GNE: variants seen among roughly 807,000 people sequenced by gnomAD.
GNE encodes bifunctional UDP-N-acetylglucosamine 2-epimerase/N-acetylmannosamine kinase.
GNE carries 41 observed loss-of-function variants against 61.8 expected under a neutral mutation model. That is an observed-to-expected ratio of 0.66 (90% confidence interval 0.52 to 0.86). The LOEUF (loss-of-function observed/expected upper bound fraction) is 0.86. Among genes scored for constraint, GNE ranks in the 40% least tolerant of loss-of-function variants. The pLI, the probability that GNE is intolerant of heterozygous loss-of-function variation, is 0.00. For missense variants in GNE, 608 were observed against 909.1 expected, an observed-to-expected ratio of 0.67 and a Z score of 4.26; for synonymous variants, 264 against 326.4, an observed-to-expected ratio of 0.81 and a Z score of 2.06.
At chr9:36,237,062 G>A in intron 3 of GNE, 78 bp from the exon 4 acceptor site, 1 of 1,155,592 alleles carries the variant, frequency 8.7e-7, no homozygotes, top group Non-Finnish European at 1.3e-6. Flanking sequence ...CTGAAAGCAA[G>A]ACTCTAAGTC....
intron 6 of GNE, among the ~76,000 whole-genome samples, chr9:36,227,712 T>C (rs1828946860): frequency 6.6e-6 from 1 of 151,996 alleles, no homozygotes; most frequent in Non-Finnish European, 1.5e-5. Flanking sequence ...ACTCTATCTC[T>C]ACAAAAAGTA....
chr9:36,256,982 G>T (rs528868169), intron 1 of GNE, among the ~76,000 whole-genome samples: 1 of 152,116 alleles, frequency 6.6e-6, no homozygotes, highest in Non-Finnish European at 1.5e-5. Flanking sequence ...CGAGATGGGC[G>T]GATCACTTGA....
At chr9:36,226,746 T>C (rs1190796838) in intron 7 of GNE, among the ~76,000 whole-genome samples, 1 of 152,234 alleles carries the variant, frequency 6.6e-6, no homozygotes, top group Non-Finnish European at 1.5e-5. Flanking sequence ...TTATGAATGT[T>C]CTCTCACCTG....
intron 5 of GNE, among the ~76,000 whole-genome samples, chr9:36,231,085 G>T (rs10972799): frequency 1.0e-5 from 1 of 95,478 alleles, no homozygotes; most frequent in African/African-American, 4.5e-5. Flanking sequence ...AAAAAAAAAA[G>T]AAAGAAAGAG....
intron 6 of GNE, among the ~76,000 whole-genome samples, 179 bp from the exon 7 acceptor site, chr9:36,227,637 G>C (rs1162945398): frequency 6.6e-6 from 1 of 152,136 alleles, no homozygotes; most frequent in Non-Finnish European, 1.5e-5. Context: ...ACTTTGGGGG[G>C]CTGAGGCAGG....
chr9:36,270,199 G>A (rs1830971813), intron 1 of GNE, among the ~76,000 whole-genome samples: 1 of 152,148 alleles, frequency 6.6e-6, no homozygotes, highest in African/African-American at 2.4e-5. Context: ...CTGGCCTCAA[G>A]TGATCCTCCT....
intron 1 of GNE, among the ~76,000 whole-genome samples, chr9:36,270,717 C>T (rs1830996464): frequency 6.6e-6 from 1 of 151,780 alleles, no homozygotes; most frequent in Admixed American, 6.6e-5. Flanking sequence ...CGGGGTTTCA[C>T]CATGTTAGCC....
In GNE at chr9:36,215,469, G is replaced by C. The variant is rs1209861398; in HGVS notation, c.*1896C>G. 3.9e-5 allele frequency: 6 copies of C among 152,216 alleles called. No individual in the cohort carries two copies. The highest frequency in any genetic ancestry group is 1.4e-4 in the African/African-American group (6 of 41,460). The allele number at this position is 152,216 out of a possible 1,614,324, so 9.4% of individuals were successfully genotyped here. ...ATTAAAGTTTTTGGTGGCCTAGAGT[G>C]AATTAGAATATGTTAGCATTTTGAA... On this transcript the variant is annotated 3_prime_UTR_variant, in exon 12 of 12. Transcript: ENST00000642385.
intron 1 of GNE, among the ~76,000 whole-genome samples, chr9:36,266,943 G>A (rs1204695525): frequency 1.3e-5 from 2 of 152,098 alleles, no homozygotes; most frequent in African/African-American, 4.8e-5. Flanking sequence ...GCCCCCGCCT[G>A]TAATCTCAGC....
intron 1 of GNE, among the ~76,000 whole-genome samples, chr9:36,264,739 A>G (rs1395185873): frequency 6.6e-6 from 1 of 152,196 alleles, no homozygotes; most frequent in Non-Finnish European, 1.5e-5. Context: ...ACACCCGACC[A>G]ATCAGGTAGT....
intron 1 of GNE, among the ~76,000 whole-genome samples, chr9:36,270,851 T>C (rs1831003166): frequency 6.6e-6 from 1 of 152,120 alleles, no homozygotes; most frequent in South Asian, 2.1e-4. Context: ...GGAGTTTGAG[T>C]CCAGCCTGGG....
chr9:36,254,985 G>A (rs1830272306), intron 1 of GNE, among the ~76,000 whole-genome samples: 1 of 152,118 alleles, frequency 6.6e-6, no homozygotes, highest in South Asian at 2.1e-4. Context: ...CAGATTGCCA[G>A]TGAGTTCAAG....
At chr9:36,222,274 C>T (rs551700017) in intron 9 of GNE, among the ~76,000 whole-genome samples, 124 of 151,894 alleles carry the variant, frequency 8.2e-4, no homozygotes, top group African/African-American at 2.9e-3. Flanking sequence ...AAAAAATTAG[C>T]CGGGCGTAGT....
intron 9 of GNE, 95 bp from the exon 10 acceptor site, chr9:36,220,115 G>C: frequency 2.0e-6 from 2 of 1,014,052 alleles, no homozygotes; most frequent in Admixed American, 1.8e-5. Flanking sequence ...GCTTTGGCAT[G>C]TGAGGGTCTA....
At chr9:36,226,704 G>A (rs1347424035) in intron 7 of GNE, among the ~76,000 whole-genome samples, 1 of 152,138 alleles carries the variant, frequency 6.6e-6, no homozygotes, top group African/African-American at 2.4e-5. Context: ...TAAGTCATTA[G>A]AGATCACTTT....
At chr9:36,220,109 T>A in intron 9 of GNE, 89 bp from the exon 10 acceptor site, 1 of 1,100,822 alleles carries the variant, frequency 9.1e-7, no homozygotes, top group South Asian at 1.3e-5. Context: ...AGCAGAGCTT[T>A]GGCATGTGAG....
chr9:36,223,360 T>C lies in GNE; in HGVS notation c.1411+13A>G, dbSNP rs184689390. 9.2e-5 allele frequency: 148 copies of C among 1,609,052 alleles called. No homozygotes were observed. The highest frequency in any genetic ancestry group is 1.2e-4 in the Non-Finnish European group (138 of 1,175,354). ...AAATGAGCATTTCTTGGATTTATAA[T>C]TTACAATCTTACCTACTCCCAAAAT... is the stretch of plus-strand genomic sequence containing the variant. On this transcript the variant is annotated intron_variant, in intron 8 of 11. Transcript: ENST00000642385.
intron 7 of GNE, among the ~76,000 whole-genome samples, chr9:36,224,007 C>T (rs1268590349): frequency 6.6e-6 from 1 of 152,036 alleles, no homozygotes. Context: ...CTGCCTCGGC[C>T]TCCCAAAGTG....
intron 1 of GNE, among the ~76,000 whole-genome samples, chr9:36,252,686 G>T (rs994691446): frequency 1.3e-5 from 2 of 152,046 alleles, no homozygotes; most frequent in Non-Finnish European, 2.9e-5. Context: ...TTAAGGGGAG[G>T]TTTTAAAAAA....
Sources: gnomAD v4.1 joint callset for allele counts (sites outside exome capture counted in the v4.1 genomes callset) on GRCh38, gnomAD v4.1.1 for gene constraint, MANE v1.5 for transcripts, NCBI Gene and HGNC (gene_info 2026-07-23, HGNC 2026-07-21) for gene names.